The following MCPH1 variants were observed in gnomAD, a reference collection of about 807,000 sequenced individuals.
MCPH1 encodes microcephalin 1.
MCPH1 carries 104 observed loss-of-function variants against 84.5 expected under a neutral mutation model. The observed-to-expected ratio is 1.23, with a 90% CI of 1.05 to 1.45. The LOEUF (loss-of-function observed/expected upper bound fraction) is 1.45. MCPH1 is among the 40% of genes most tolerant of loss of function. MCPH1 has a pLI of 0.00. For missense variants in MCPH1, 1,498 were observed against 1,005.7 expected, an observed-to-expected ratio of 1.49 and a Z score of -6.62; for synonymous variants, 514 against 366.8, an observed-to-expected ratio of 1.40 and a Z score of -4.58.
At chr8:6,477,703 G>C in intron 10 of MCPH1, 72 bp downstream of exon 10, 2 of 1,265,998 alleles carry the variant, frequency 1.6e-6, no homozygotes, top group Non-Finnish European at 2.3e-6. Context: ...AATTCTGGGT[G>C]CCTTTAGGCA....
At chr8:6,558,470 C>G (rs548840978) in intron 12 of MCPH1, among the ~76,000 whole-genome samples, 1 of 152,118 alleles carries the variant, frequency 6.6e-6, no homozygotes, top group Non-Finnish European at 1.5e-5. Flanking sequence ...AAAATAAGCA[C>G]CCCAGACCAT....
At chr8:6,424,760 T>C (rs1800807569) in intron 3 of MCPH1, among the ~76,000 whole-genome samples, 1 of 152,244 alleles carries the variant, frequency 6.6e-6, no homozygotes, top group African/African-American at 2.4e-5. Flanking sequence ...CCTACGGTTA[T>C]TTAGTGCTAG....
At chr8:6,623,323 C>A (rs1831671808) in intron 13 of MCPH1, among the ~76,000 whole-genome samples, 1 of 152,112 alleles carries the variant, frequency 6.6e-6, no homozygotes, top group Admixed American at 6.5e-5. Context: ...CCTTACCCGA[C>A]TTTAGAGGTA....
At position 6,512,850 on chromosome 8, in the gene MCPH1, G is replaced by T. The variant is rs1476852043; in HGVS notation, c.2214+12921G>T. Among the ~76,000 whole-genome samples the T allele has an allele frequency of 2.6e-5, 4 of 152,206 alleles. No homozygotes were observed. The South Asian group carries it at 8.3e-4, about 31-fold the overall frequency. On this transcript the variant is annotated intron_variant, in intron 12 of 13. Transcript: ENST00000344683. ...ACCCAGGGAATGCTGTGAATCTGAT[G>T]TATTTCCTGTAGAGGAGAGCAGAGT...
intron 11 of MCPH1, 153 bp from the exon 12 acceptor site, chr8:6,499,699 G>T: frequency 1.5e-6 from 1 of 662,862 alleles, no homozygotes; most frequent in Non-Finnish European, 2.7e-6. Context: ...TATGCAACAT[G>T]AAGATTCTGA....
chr8:6,481,556 C>T lies in MCPH1; in HGVS notation c.2136+680C>T, dbSNP rs114713426. 1.9e-3 allele frequency among the ~76,000 whole-genome samples: 284 copies of T among 152,270 alleles called. 1 individual carries two copies. Among genetic ancestry groups the T allele is most frequent in the African/African-American group, 6.5e-3 (270 of 41,550 alleles). Reference sequence around the variant, plus strand: ...GTTACCATTCTGCATCTGTGGTATCCGTCTTCCCTCCTCCTCTCCCAAGAA... The same window carrying T: ...GTTACCATTCTGCATCTGTGGTATCTGTCTTCCCTCCTCCTCTCCCAAGAA... On this transcript the variant is annotated intron_variant, in intron 11 of 13. Transcript: ENST00000344683.
intron 12 of MCPH1, among the ~76,000 whole-genome samples, chr8:6,542,947 G>A (rs1224885780): frequency 6.6e-6 from 1 of 152,220 alleles, no homozygotes; most frequent in African/African-American, 2.4e-5. Flanking sequence ...AGTTTTTGCT[G>A]TCCTTTATAA....
intron 12 of MCPH1, among the ~76,000 whole-genome samples, chr8:6,559,911 A>G (rs1241412340): frequency 6.6e-6 from 1 of 152,158 alleles, no homozygotes; most frequent in African/African-American, 2.4e-5. Flanking sequence ...GCTGTCCTGT[A>G]TTGTTCCATT....
chr8:6,432,685 T>C (rs2440423), intron 4 of MCPH1, among the ~76,000 whole-genome samples: 110,404 of 151,778 alleles, frequency 0.73, 41,790 homozygotes, highest in East Asian at 0.82. Context: ...TAACTGTGAA[T>C]TTCACATTTC....
At chr8:6,419,060 G>T (rs1335858070) in intron 3 of MCPH1, among the ~76,000 whole-genome samples, 3 of 151,592 alleles carry the variant, frequency 2.0e-5, no homozygotes, top group African/African-American at 7.3e-5. Context: ...TTATGTTTAC[G>T]TTGGGCCTGC....
At chr8:6,491,455 A>G (rs1419328293) in intron 11 of MCPH1, among the ~76,000 whole-genome samples, 4 of 149,342 alleles carry the variant, frequency 2.7e-5, no homozygotes, top group Non-Finnish European at 4.4e-5. Context: ...TGCTCAGAAC[A>G]TGTATTTTTT....
At chr8:6,465,960 C>CATCCATCT (rs1806858991) in intron 9 of MCPH1, among the ~76,000 whole-genome samples, 1 of 150,324 alleles carries the variant, frequency 6.7e-6, no homozygotes, top group East Asian at 1.9e-4. Context: ...TCCATCCATC[C>CATCCATCT]ATCCATCCAT....
intron 12 of MCPH1, chr8:6,532,281 T>A: frequency 6.2e-7 from 1 of 1,610,270 alleles, no homozygotes; most frequent in Non-Finnish European, 8.5e-7. Context: ...CGCGACTGAG[T>A]GCTAGTCTCT....
Position 6,444,910 on chromosome 8 carries a change from C to A in MCPH1, c.1188C>A (p.His396Gln), listed in dbSNP as rs570511077. ...QLCRSEDRLQ[H>Q]VAGPALEALS... ...GCAGGTCGGAAGACAGGCTGCAGCA[C>A]GTGGCGGGACCTGCCCTGGAGGCTC... is the stretch of plus-strand genomic sequence containing the variant. Residue 396 changes from histidine to glutamine, a missense_variant, in exon 8 of 14, where the codon CAC (histidine) becomes CAA (glutamine). His to Gln is a conservative substitution (Grantham distance 24). Coordinates refer to ENST00000344683, the MANE Select transcript of MCPH1 (RefSeq NM_024596.5). 168 of 1,613,976 alleles carry A rather than the reference C, an allele frequency of 1.0e-4. No individual in the cohort carries two copies. Among genetic ancestry groups the A allele is most frequent in the Non-Finnish European group, 1.4e-4 (167 of 1,179,998 alleles).
At chr8:6,525,661 C>G (rs1247907112) in intron 12 of MCPH1, among the ~76,000 whole-genome samples, 2 of 150,616 alleles carry the variant, frequency 1.3e-5, no homozygotes, top group African/African-American at 2.5e-5. Flanking sequence ...AAATCATAGG[C>G]CAGTCAGAAT....
Position 6,480,683 on chromosome 8 carries a change from C to G in MCPH1, c.1974-31C>G, listed in dbSNP as rs375929764. 2.4e-5 allele frequency: 38 copies of G among 1,612,626 alleles called. No homozygotes were observed. The African/African-American group carries it at 4.5e-4, about 19-fold the overall frequency. Reference sequence around the variant, plus strand: ...GATGGGCATGTGCAACAAAGTCATTCATTTTGTTAATTTTTCCCCCGATTT... The same window carrying G: ...GATGGGCATGTGCAACAAAGTCATTGATTTTGTTAATTTTTCCCCCGATTT... On this transcript the variant is annotated intron_variant, in intron 10 of 13. Coordinates refer to ENST00000344683, the MANE Select transcript of MCPH1 (RefSeq NM_024596.5).
In MCPH1 at chr8:6,626,474, G is replaced by GTTTTTTTTTTTTT. The variant is rs71213328; in HGVS notation, c.2452+4788_2452+4800dup. On this transcript the variant is annotated intron_variant, in intron 13 of 13. Transcript: ENST00000344683. ...GGTTGTTGTTTGGTTTTTTTGTTTT[G>GTTTTTTTTTTTTT]TTTTTTTTTTTTTTTTTGCGTTTTG... The GTTTTTTTTTTTTT allele has an allele frequency of 4.8e-5, 44 of 925,104 alleles. 1 individual carries two copies. The highest frequency in any genetic ancestry group is 1.3e-4 in the East Asian group (1 of 7,488). The allele number at this position is 925,104 out of a possible 1,614,324, so 57.3% of individuals were successfully genotyped here.
intron 12 of MCPH1, among the ~76,000 whole-genome samples, chr8:6,600,445 A>C (rs186133622): frequency 4.6e-5 from 7 of 152,326 alleles, no homozygotes. Context: ...CTGCTCCTTC[A>C]GATACATTTA....
chr8:6,622,871 C>T (rs115830025), intron 13 of MCPH1, among the ~76,000 whole-genome samples: 424 of 152,220 alleles, frequency 2.8e-3, no homozygotes, highest in African/African-American at 3.9e-3. Flanking sequence ...AACAGTGTCT[C>T]GCTCTGTCAC....
Sources: gnomAD v4.1 joint callset for allele counts (sites outside exome capture counted in the v4.1 genomes callset) on GRCh38, gnomAD v4.1.1 for gene constraint, MANE v1.5 for transcripts, NCBI Gene and HGNC (gene_info 2026-07-23, HGNC 2026-07-21) for gene names.